The following KLF13 variants were observed in gnomAD, a reference collection of about 807,000 sequenced individuals.
KLF13 encodes the protein KLF transcription factor 13.
A neutral mutation model predicts 16.7 loss-of-function variants in KLF13; 8 were observed. The observed-to-expected ratio is 0.48, with a 90% CI of 0.28 to 0.87. The LOEUF (loss-of-function observed/expected upper bound fraction) is 0.87, where lower values mean the gene tolerates loss of function less well. KLF13 is among the 40% of genes least tolerant of loss of function. KLF13 has a pLI of 0.10. For synonymous variants in KLF13, 245 were observed against 208.4 expected, an observed-to-expected ratio of 1.18 and a Z score of -1.51; for missense variants, 447 against 452.2, an observed-to-expected ratio of 0.99 and a Z score of 0.10.
intron 1 of KLF13, among the ~76,000 whole-genome samples, chr15:31,362,656 G>A (rs940730905): frequency 6.6e-5 from 10 of 152,306 alleles, no homozygotes; most frequent in African/African-American, 2.2e-4. Flanking sequence ...GTGTGTTTTA[G>A]AATCTAAAAG....
Position 31,351,445 on chromosome 15 carries a change from A to G in KLF13, c.578-20565A>G, listed in dbSNP as rs1029529397. Among the ~76,000 whole-genome samples, 7 of 147,208 alleles carry G rather than the reference A, an allele frequency of 4.8e-5. No individual in the cohort carries two copies. The South Asian group carries it at 1.3e-3, about 28-fold the overall frequency. On this transcript the variant is annotated intron_variant, in intron 1 of 1. Transcript: ENST00000307145. ...ACATCCTGTTAGGCTCATAACCCCA[A>G]GGCACTGACTGGTTTCTAACCTGGT...
intron 1 of KLF13, among the ~76,000 whole-genome samples, chr15:31,339,631 G>T (rs1438653674): frequency 6.6e-6 from 1 of 152,264 alleles, no homozygotes; most frequent in Non-Finnish European, 1.5e-5. Flanking sequence ...CTGTCTGAAG[G>T]CTGATGCGTC....
intron 1 of KLF13, among the ~76,000 whole-genome samples, chr15:31,434,156 C>T (rs372719441): frequency 2.6e-5 from 4 of 152,282 alleles, no homozygotes; most frequent in East Asian, 3.9e-4. Flanking sequence ...GCTTCGCGTC[C>T]GTTACTTCAT....
At chr15:31,367,957 TC>T (rs1443285439) in intron 1 of KLF13, among the ~76,000 whole-genome samples, 1 of 152,090 alleles carries the variant, frequency 6.6e-6, no homozygotes, top group Non-Finnish European at 1.5e-5. Context: ...GTTAATTCCT[TC>T]CAGAGGCTCT....
intron 1 of KLF13, among the ~76,000 whole-genome samples, chr15:31,347,859 G>A (rs976526407): frequency 6.6e-6 from 1 of 152,228 alleles, no homozygotes; most frequent in African/African-American, 2.4e-5. Context: ...CTGCAGCGCT[G>A]GTGGAACAGG....
At chr15:31,348,885 G>A (rs555336730) in intron 1 of KLF13, among the ~76,000 whole-genome samples, 3 of 152,314 alleles carry the variant, frequency 2.0e-5, no homozygotes, top group Admixed American at 6.5e-5. Context: ...TTCGTAGACA[G>A]CTGTCTTCTT....
rs188510385 is a variant in KLF13 at position 31,377,227 on chromosome 15, C to T, written c.*4928C>T. ...TGTGGCTCTAGACACCACGTGGGCT[C>T]ATTAGCCCCAGCGTCTGTGCCGGCT... On this transcript the variant is annotated 3_prime_UTR_variant, in exon 2 of 2. Coordinates refer to ENST00000307145, the MANE Select transcript of KLF13 (RefSeq NM_015995.4). 2 of 152,692 alleles carry T rather than the reference C, an allele frequency of 1.3e-5. No homozygotes were observed. The highest frequency in any genetic ancestry group is 2.4e-5 in the African/African-American group (1 of 41,440). 9.5% of individuals were successfully genotyped at this position (152,692 alleles called of 1,614,324 possible). A position where few individuals can be genotyped will look rare whatever the true frequency, so the allele number is the denominator to read the frequency against.
At chr15:31,365,643 G>A (rs1465777945) in intron 1 of KLF13, among the ~76,000 whole-genome samples, 3 of 151,986 alleles carry the variant, frequency 2.0e-5, no homozygotes, top group Admixed American at 6.5e-5. Flanking sequence ...GTGGGGGGTT[G>A]GGGGGGAGTT....
At chr15:31,332,182 T>C (rs2038845387) in intron 1 of KLF13, among the ~76,000 whole-genome samples, 1 of 152,186 alleles carries the variant, frequency 6.6e-6, no homozygotes, top group South Asian at 2.1e-4. Context: ...TGATAAGTGT[T>C]GGTTAAATGT....
In KLF13 at chr15:31,372,651, C is replaced by T. The variant is rs1313069698; in HGVS notation, c.*352C>T. 2.6e-5 allele frequency: 6 copies of T among 232,666 alleles called. No individual in the cohort carries two copies. Among genetic ancestry groups the T allele is most frequent in the Non-Finnish European group, 5.0e-5 (6 of 120,590 alleles). The allele number at this position is 232,666 out of a possible 1,614,324, so 14.4% of individuals were successfully genotyped here. ...GAGTTTTCTGTTAGGTTCGGGAACA[C>T]GCTGGGGACAGAGCAGGCCAGCCAG... On this transcript the variant is annotated 3_prime_UTR_variant, in exon 2 of 2. Transcript: ENST00000307145.
At chr15:31,434,255 C>A (rs1595520577) in intron 1 of KLF13, among the ~76,000 whole-genome samples, 1 of 152,174 alleles carries the variant, frequency 6.6e-6, no homozygotes, top group East Asian at 1.9e-4. Context: ...CACACAGCTG[C>A]ACACAGCTGG....
chr15:31,423,133 G>GTATACGTATACGTATATATACGTATA (rs1555383337), intron 1 of KLF13, among the ~76,000 whole-genome samples: 2,108 of 95,650 alleles, frequency 0.022, 454 homozygotes, highest in East Asian at 0.051. Flanking sequence ...GTATATATAC[G>GTATACGTATACGTATATATACGTATA]TATACGTATA....
chr15:31,405,047 CTGAAA>C (rs2040102676), downstream of KLF13, among the ~76,000 whole-genome samples: 1 of 152,154 alleles, frequency 6.6e-6, no homozygotes, highest in Admixed American at 6.5e-5. Context: ...CCATGTGCCC[CTGAAA>C]CTCATATGTT....
chr15:31,432,988 CCT>C (rs1365834920), intron 1 of KLF13, among the ~76,000 whole-genome samples: 1 of 152,262 alleles, frequency 6.6e-6, no homozygotes, highest in East Asian at 1.9e-4. Flanking sequence ...GTGGCACATG[CCT>C]GATTCCAGCG....
At chr15:31,365,105 C>T (rs1406561252) in intron 1 of KLF13, among the ~76,000 whole-genome samples, 1 of 152,174 alleles carries the variant, frequency 6.6e-6, no homozygotes, top group Admixed American at 6.5e-5. Flanking sequence ...CAAACCAGTG[C>T]CCACAGGGCA....
chr15:31,350,973 G>A (rs993632913), intron 1 of KLF13, among the ~76,000 whole-genome samples: 4 of 152,240 alleles, frequency 2.6e-5, no homozygotes, highest in Non-Finnish European at 4.4e-5. Context: ...GGGAGGGAGT[G>A]TGTGGATGGA....
chr15:31,410,620 CACACA>C (rs1566842499), intron 1 of KLF13, among the ~76,000 whole-genome samples: 9 of 147,632 alleles, frequency 6.1e-5, no homozygotes, highest in African/African-American at 2.2e-4. Context: ...CACACACACA[CACACA>C]CCCCTATAAC....
Position 31,348,422 on chromosome 15 carries a change from A to G in KLF13, c.577+20633A>G, listed in dbSNP as rs2039161334. Among the ~76,000 whole-genome samples the G allele has an allele frequency of 2.0e-5, 3 of 152,208 alleles. No individual in the cohort carries two copies. In the South Asian group the frequency reaches 6.2e-4, roughly 31 times the overall value. ...CTTTTTATTGAAGTATACGTGTGCT[A>G]CAGACCATTTAAGTACAGAAAAGCT... is the stretch of plus-strand genomic sequence containing the variant. On this transcript the variant is annotated intron_variant, in intron 1 of 1. Coordinates refer to ENST00000307145, the MANE Select transcript of KLF13 (RefSeq NM_015995.4).
Position 31,383,159 on chromosome 15 carries a change from CT to C in KLF13, n.224-52209del, listed in dbSNP as rs2039748867. ...GTTTTGGGAAAGTGGTTATTGCATGCTTACCCTGATGAACACAGCTGCTCCC... is the reference window on the plus strand; with the variant it reads ...GTTTTGGGAAAGTGGTTATTGCATGCTACCCTGATGAACACAGCTGCTCCC... On this transcript the variant is annotated intron_variant and non_coding_transcript_variant, in intron 1 of 1. Coordinates refer to the KLF13 transcript ENST00000558921. Among the ~76,000 whole-genome samples, 4 of 152,358 alleles carry C rather than the reference CT, an allele frequency of 2.6e-5. No individual in the cohort carries two copies. The South Asian group carries it at 8.3e-4, about 32-fold the overall frequency.
Sources: gnomAD v4.1 joint callset for allele counts (sites outside exome capture counted in the v4.1 genomes callset) on GRCh38, gnomAD v4.1.1 for gene constraint, MANE v1.5 for transcripts, NCBI Gene and HGNC (gene_info 2026-07-23, HGNC 2026-07-21) for gene names.